The following RAP1GAP2 variants were observed in gnomAD, a reference collection of about 807,000 sequenced individuals.
RAP1GAP2 encodes the protein rap1 GTPase-activating protein 2.
Under a neutral mutation model 95.0 loss-of-function variants are expected in RAP1GAP2, and 27 were observed. The observed-to-expected ratio is 0.28, with a 90% CI of 0.21 to 0.39. The LOEUF is 0.39. Ranked by LOEUF, RAP1GAP2 falls within the 10% of genes least tolerant of loss-of-function variation. RAP1GAP2 has a pLI of 1.00. For synonymous variants in RAP1GAP2, 373 were observed against 380.9 expected, an observed-to-expected ratio of 0.98 and a Z score of 0.24; for missense variants, 771 against 970.0, an observed-to-expected ratio of 0.79 and a Z score of 2.72.
intron 3 of RAP1GAP2, among the ~76,000 whole-genome samples, chr17:2,953,916 C>A (rs528949494): frequency 2.0e-5 from 3 of 152,262 alleles, no homozygotes; most frequent in African/African-American, 7.2e-5. Flanking sequence ...GCTGTGTAAC[C>A]ACCATCATAA....
Position 3,005,930 on chromosome 17 carries a change from C to G in RAP1GAP2, c.1273-25C>G. 6.2e-7 allele frequency: 1 copy of G among 1,604,952 alleles called. No homozygotes were observed. Among genetic ancestry groups the G allele is most frequent in the East Asian group, 2.2e-5 (1 of 44,800 alleles). On this transcript the variant is annotated intron_variant, in intron 15 of 24. Coordinates refer to ENST00000254695, the MANE Select transcript of RAP1GAP2 (RefSeq NM_015085.5). The surrounding 1 kb of genome is among the most constrained non-coding windows in gnomAD (Gnocchi z 5.2). The stretch of plus-strand genomic sequence containing the variant: ...CTGGCAACAGCCGAGAGTGACAGAC[C>G]TGAGGTCCGTCTTGTCTCTTCCAGG...
intron 1 of RAP1GAP2, among the ~76,000 whole-genome samples, chr17:2,777,923 T>TA (rs1221708807): frequency 8.8e-5 from 13 of 148,236 alleles, no homozygotes; most frequent in African/African-American, 3.2e-4. Context: ...GGGTGGGGAG[T>TA]AAACAGCTTG....
intron 10 of RAP1GAP2, 57 bp downstream of exon 10, chr17:2,981,305 A>G (rs898805343): frequency 6.7e-7 from 1 of 1,492,854 alleles, no homozygotes; most frequent in Non-Finnish European, 9.2e-7. Context: ...GGATTTGCAG[A>G]CCTGTGGCTC....
intron 2 of RAP1GAP2, among the ~76,000 whole-genome samples, chr17:2,901,158 C>T (rs999797400): frequency 1.2e-4 from 18 of 152,198 alleles, no homozygotes; most frequent in African/African-American, 4.1e-4. Flanking sequence ...CTCCCTGAGC[C>T]TCCCCATCTG....
At chr17:2,874,041 G>A (rs2072977043) in intron 2 of RAP1GAP2, among the ~76,000 whole-genome samples, 1 of 152,154 alleles carries the variant, frequency 6.6e-6, no homozygotes, top group Non-Finnish European at 1.5e-5. Flanking sequence ...CTCCCAAAGT[G>A]CTGGGATTAC....
At chr17:2,900,363 T>C (rs757123855) in intron 2 of RAP1GAP2, among the ~76,000 whole-genome samples, 1 of 152,212 alleles carries the variant, frequency 6.6e-6, no homozygotes, top group East Asian at 1.9e-4. Context: ...TTATGAGTTA[T>C]AATCATCATC....
chr17:2,940,675 T>A (rs1039913348), intron 3 of RAP1GAP2, among the ~76,000 whole-genome samples: 1 of 152,194 alleles, frequency 6.6e-6, no homozygotes, highest in African/African-American at 2.4e-5. Flanking sequence ...CCCTGCAGGC[T>A]CTGCAGACGC....
intron 18 of RAP1GAP2, among the ~76,000 whole-genome samples, chr17:3,020,124 C>G (rs1184611157): frequency 1.3e-5 from 2 of 152,248 alleles, no homozygotes; most frequent in Non-Finnish European, 2.9e-5. Context: ...AGAGGTTGAA[C>G]CAGGTCCCTC....
At chr17:2,852,599 C>CA (rs1172103872) in intron 2 of RAP1GAP2, among the ~76,000 whole-genome samples, 24 of 151,790 alleles carry the variant, frequency 1.6e-4, no homozygotes, top group Admixed American at 1.2e-3. Context: ...AAAAACAAAA[C>CA]AAAAAACAAA....
chr17:2,928,591 G>C (rs2043040296), intron 3 of RAP1GAP2, among the ~76,000 whole-genome samples: 1 of 152,196 alleles, frequency 6.6e-6, no homozygotes. Context: ...CCCCAGGTCA[G>C]ATAGCGTTGC....
chr17:2,777,780 T>A (rs2068537657), intron 1 of RAP1GAP2, among the ~76,000 whole-genome samples: 1 of 152,194 alleles, frequency 6.6e-6, no homozygotes, highest in South Asian at 2.1e-4. Context: ...CCATGGGGAA[T>A]GAGAGAGTTG....
chr17:2,962,695 C>A lies in RAP1GAP2; in HGVS notation c.227C>A (p.Pro76Gln), dbSNP rs776359668. ...MQGIKLEEQK[P>Q]GPQKNKDDYI... is the part of the protein sequence containing the mutation. ...GGGATCAAGCTTGAAGAGCAGAAGC[C>A]GGGACCCCAGAAGAACAAGGTGGGC... The change falls in exon 5 of 25, where the codon CCG (proline) becomes CAG (glutamine). Residue 76 changes from proline (P) to glutamine (Q), a missense_variant. Transcript: ENST00000254695. 6.3e-7 allele frequency: 1 copy of A among 1,594,210 alleles called. No individual in the cohort carries two copies. Among genetic ancestry groups the A allele is most frequent in the African/African-American group, 1.3e-5 (1 of 74,184 alleles).
chr17:2,816,154 C>A (rs757711049), intron 2 of RAP1GAP2, among the ~76,000 whole-genome samples: 89 of 152,088 alleles, frequency 5.9e-4, no homozygotes, highest in Middle Eastern at 6.8e-3. Flanking sequence ...CTGGAAGAGG[C>A]CCGAGCCGGC....
chr17:2,903,869 G>C lies in RAP1GAP2; in HGVS notation c.81-1415G>C, dbSNP rs2042105464. Among the ~76,000 whole-genome samples, 1 of 152,220 alleles carries C rather than the reference G, an allele frequency of 6.6e-6. No homozygotes were observed. The highest frequency in any genetic ancestry group is 2.4e-5 in the African/African-American group (1 of 41,462). On this transcript the variant is annotated intron_variant, in intron 2 of 24. Transcript: ENST00000254695. This position sits in a 1 kb window ranked among gnomAD's most constrained non-coding sequence, Gnocchi z 4.1. ...TGGGCTCAGGGAGCCAGGCAGGATG[G>C]GGTCTGGGCCTGGAAACCTGGAGGG... is the stretch of plus-strand genomic sequence containing the variant.
chr17:2,799,399 C>CA (rs1254592496), intron 1 of RAP1GAP2, among the ~76,000 whole-genome samples: 25 of 152,258 alleles, frequency 1.6e-4, no homozygotes, highest in African/African-American at 5.5e-4. Flanking sequence ...GGAGTTTACT[C>CA]AGAGTGAAAG....
At chr17:2,790,156 AG>A (rs931815331) in intron 1 of RAP1GAP2, among the ~76,000 whole-genome samples, 5 of 151,224 alleles carry the variant, frequency 3.3e-5, no homozygotes, top group Non-Finnish European at 7.4e-5. Context: ...CTCTGTCACC[AG>A]GCTGGAGTGC....
rs2042138931 is a variant in RAP1GAP2, at chr17:2,904,628, C to T, written c.81-656C>T. 6.7e-6 allele frequency among the ~76,000 whole-genome samples: 1 copy of T among 150,338 alleles called. No individual in the cohort carries two copies. The highest frequency in any genetic ancestry group is 1.5e-5 in the Non-Finnish European group (1 of 67,740). ...CGTTTCTCCCCTCCTCTTCTCACACCCAGCCCCAGTCCTGGATCTCTTTAG... is the reference window on the plus strand; with the variant it reads ...CGTTTCTCCCCTCCTCTTCTCACACTCAGCCCCAGTCCTGGATCTCTTTAG... On this transcript the variant is annotated intron_variant, in intron 2 of 24. Transcript: ENST00000254695. This position sits in a 1 kb window ranked among gnomAD's most constrained non-coding sequence, Gnocchi z 4.7.
At chr17:2,811,573 A>AT (rs1472408623) in intron 2 of RAP1GAP2, among the ~76,000 whole-genome samples, 3 of 151,862 alleles carry the variant, frequency 2.0e-5, no homozygotes, top group Non-Finnish European at 4.4e-5. Flanking sequence ...TTGTGTGTGT[A>AT]TTTTTTTGTT....
chr17:3,027,873 GC>G lies in RAP1GAP2; in HGVS notation c.2107+804del, dbSNP rs942639095. Among the ~76,000 whole-genome samples, 2 of 151,984 alleles carry G rather than the reference GC, an allele frequency of 1.3e-5. No homozygotes were observed. Among genetic ancestry groups the G allele is most frequent in the Non-Finnish European group, 2.9e-5 (2 of 67,970 alleles). On this transcript the variant is annotated intron_variant, in intron 22 of 24. Transcript: ENST00000254695. This position sits in a 1 kb window ranked among gnomAD's most constrained non-coding sequence, Gnocchi z 5.2. Reference sequence around the variant, plus strand: ...GGAGGTAAAATGTACGGGCTCAGTAGCAGGGGTTCAGAGAGAGCAGGAGTCT... The same window carrying G: ...GGAGGTAAAATGTACGGGCTCAGTAGAGGGGTTCAGAGAGAGCAGGAGTCT...
Sources: gnomAD v4.1 joint callset for allele counts (sites outside exome capture counted in the v4.1 genomes callset) on GRCh38, gnomAD v4.1.1 for gene constraint, Gnocchi (gnomAD v3.1) non-coding constraint, MANE v1.5 for transcripts, NCBI Gene and HGNC (gene_info 2026-07-23, HGNC 2026-07-21) for gene names.